Variants in PALM2AKAP2 observed in about 807,000 individuals in gnomAD.
PALM2AKAP2 encodes the protein PALM2 and AKAP2 fusion, also known as PALM2-AKAP2 fusion protein.
A neutral mutation model predicts 71.5 loss-of-function variants in PALM2AKAP2; 37 were observed. That is an observed-to-expected ratio of 0.52 (90% CI 0.40 to 0.68). The LOEUF (loss-of-function observed/expected upper bound fraction) is 0.68, where lower values mean the gene tolerates loss of function less well. PALM2AKAP2 is among the 30% of genes least tolerant of loss of function. The probability of loss-of-function intolerance (pLI) is 0.00; values close to 1 mark genes in which losing one functional copy is unlikely to be tolerated. For synonymous variants in PALM2AKAP2, 468 were observed against 478.8 expected, an observed-to-expected ratio of 0.98 and a Z score of 0.29; for missense variants, 1,224 against 1,191.8, an observed-to-expected ratio of 1.03 and a Z score of -0.40.
At chr9:109,939,383 G>T (rs1156756910) in intron 6 of PALM2AKAP2, among the ~76,000 whole-genome samples, 2 of 150,030 alleles carry the variant, frequency 1.3e-5, no homozygotes, top group Admixed American at 1.3e-4. Context: ...AAGAGGGAGA[G>T]GGATATCTGT....
chr9:110,107,594 T>A (rs1003367245), intron 1 of PALM2AKAP2, among the ~76,000 whole-genome samples: 128 of 152,334 alleles, frequency 8.4e-4, no homozygotes, highest in African/African-American at 3.0e-3. Flanking sequence ...GGAGACAGTG[T>A]CTCACTCTGT....
chr9:109,915,735 C>CTGTATTTTGCTAG (rs1830672420), intron 3 of PALM2AKAP2, among the ~76,000 whole-genome samples: 1 of 152,032 alleles, frequency 6.6e-6, no homozygotes, highest in Non-Finnish European at 1.5e-5. Flanking sequence ...ATTATTGTTA[C>CTGTATTTTGCTAG]ATATATTACT....
At chr9:109,754,856 C>T (rs934967659) in intron 1 of PALM2AKAP2, among the ~76,000 whole-genome samples, 16 of 152,110 alleles carry the variant, frequency 1.1e-4, no homozygotes, top group Admixed American at 1.0e-3. Flanking sequence ...ATTAGGGTTT[C>T]CACATACGAA....
intron 1 of PALM2AKAP2, among the ~76,000 whole-genome samples, chr9:109,768,431 A>G (rs1829199381): frequency 6.6e-6 from 1 of 152,224 alleles, no homozygotes; most frequent in Non-Finnish European, 1.5e-5. Flanking sequence ...ATTTTGTTAC[A>G]TGCATAAAAT....
intron 2 of PALM2AKAP2, among the ~76,000 whole-genome samples, chr9:110,154,750 C>T (rs78728684): frequency 0.016 from 2,462 of 152,182 alleles, 27 homozygotes; most frequent in Middle Eastern, 0.027. Context: ...AATGCAGTGC[C>T]CTTTTCTGTA....
At chr9:109,943,596 C>A in intron 6 of PALM2AKAP2, 1 of 862,662 alleles carries the variant, frequency 1.2e-6, no homozygotes, top group Non-Finnish European at 1.8e-6. Context: ...ACCTGAGAGA[C>A]AACGTGCATG....
At chr9:110,127,138 G>A (rs980162393) in intron 1 of PALM2AKAP2, among the ~76,000 whole-genome samples, 4 of 152,216 alleles carry the variant, frequency 2.6e-5, no homozygotes, top group African/African-American at 9.6e-5. Context: ...GGCTGGACCT[G>A]CAGGAGCAGG....
intron 1 of PALM2AKAP2, among the ~76,000 whole-genome samples, chr9:110,092,051 G>T (rs986641115): frequency 6.6e-6 from 1 of 152,174 alleles, no homozygotes; most frequent in African/African-American, 2.4e-5. Context: ...GTAAGATCTG[G>T]CCAGTTGCAG....
In PALM2AKAP2 at chr9:109,686,901, C is replaced by T. The variant is rs574877919; in HGVS notation, c.5+46035C>T. Among the ~76,000 whole-genome samples, 14 of 149,886 alleles carry T rather than the reference C, an allele frequency of 9.3e-5. No homozygotes were observed. In the East Asian group the frequency reaches 2.8e-3, roughly 30 times the overall value. ...GTCCATGTGTTCTCATTGTTCAATT[C>T]CCACCTATGAGTGAGAATATGCAGT... On this transcript the variant is annotated intron_variant, in intron 1 of 6. Coordinates refer to the PALM2AKAP2 transcript ENST00000374531.
chr9:109,837,269 A>T (rs1041146987), intron 1 of PALM2AKAP2, among the ~76,000 whole-genome samples: 59 of 152,346 alleles, frequency 3.9e-4, no homozygotes, highest in African/African-American at 1.3e-3. Context: ...TTTCATATCC[A>T]GCCAAACTAA....
At chr9:110,048,556 G>GGGGAGGGGAGGGGA, upstream of PALM2AKAP2, 1 of 768,778 alleles carries the variant, frequency 1.3e-6, no homozygotes, top group East Asian at 3.2e-5. Flanking sequence ...GTGGGTAGAT[G>GGGGAGGGGAGGGGA]GGGAGGGGAG....
At chr9:110,163,663 T>C (rs1836661310) in intron 3 of PALM2AKAP2, among the ~76,000 whole-genome samples, 1 of 152,240 alleles carries the variant, frequency 6.6e-6, no homozygotes, top group African/African-American at 2.4e-5. Flanking sequence ...CTCCTGACTT[T>C]GTTCTGTCTG....
At chr9:110,074,467 G>T (rs1165035270) in intron 1 of PALM2AKAP2, among the ~76,000 whole-genome samples, 2 of 152,148 alleles carry the variant, frequency 1.3e-5, no homozygotes, top group Non-Finnish European at 2.9e-5. Flanking sequence ...ATTGAAATTT[G>T]CATGAGGTCT....
At chr9:109,936,130 G>A (rs538386390) in intron 6 of PALM2AKAP2, among the ~76,000 whole-genome samples, 33 of 151,866 alleles carry the variant, frequency 2.2e-4, no homozygotes, top group Non-Finnish European at 4.6e-4. Context: ...ATATTTATGG[G>A]GTACATGTGG....
chr9:109,884,420 C>T (rs997397263), intron 3 of PALM2AKAP2, among the ~76,000 whole-genome samples: 39 of 152,090 alleles, frequency 2.6e-4, no homozygotes, highest in African/African-American at 8.9e-4. Flanking sequence ...TGAGATCATG[C>T]CACTGCACTC....
At position 109,821,490 on chromosome 9, in the gene PALM2AKAP2, A is replaced by C. The variant is rs142580815; in HGVS notation, c.45+40957A>C. On this transcript the variant is annotated intron_variant, in intron 1 of 9. Coordinates refer to the PALM2AKAP2 transcript ENST00000302798. Reference sequence around the variant, plus strand: ...GGTCTACCTCATTTCAGAATCCCTCAGAGTCCATGGTGTATCCATTCATGC... The same window carrying C: ...GGTCTACCTCATTTCAGAATCCCTCCGAGTCCATGGTGTATCCATTCATGC... Among the ~76,000 whole-genome samples, 20 of 152,336 alleles carry C rather than the reference A, an allele frequency of 1.3e-4. No individual in the cohort carries two copies. In the East Asian group the frequency reaches 3.9e-3, roughly 29 times the overall value.
At chr9:110,095,294 G>C (rs1834810411) in intron 1 of PALM2AKAP2, among the ~76,000 whole-genome samples, 1 of 152,194 alleles carries the variant, frequency 6.6e-6, no homozygotes, top group South Asian at 2.1e-4. Flanking sequence ...CATTGTCTAA[G>C]TGGGTCATCC....
intron 1 of PALM2AKAP2, among the ~76,000 whole-genome samples, chr9:109,861,554 G>T (rs1175457487): frequency 6.6e-6 from 1 of 152,222 alleles, no homozygotes; most frequent in East Asian, 1.9e-4. Context: ...TTCCCAGATA[G>T]TGGAGGAATC....
intron 3 of PALM2AKAP2, among the ~76,000 whole-genome samples, chr9:109,903,076 G>A (rs1830364820): frequency 6.6e-6 from 1 of 152,116 alleles, no homozygotes; most frequent in Non-Finnish European, 1.5e-5. Flanking sequence ...CCTGGCCCAG[G>A]TCACTGGGTT....
Sources: gnomAD v4.1 joint callset for allele counts (sites outside exome capture counted in the v4.1 genomes callset) on GRCh38, gnomAD v4.1.1 for gene constraint, MANE v1.5 for transcripts, NCBI Gene and HGNC (gene_info 2026-07-23, HGNC 2026-07-21) for gene names.